Variants in BTRC observed in about 807,000 individuals in gnomAD.
BTRC encodes F-box/WD repeat-containing protein 1A.
Under a neutral mutation model 85.5 loss-of-function variants are expected in BTRC, and 42 were observed. That is an observed-to-expected ratio of 0.49 (90% CI 0.38 to 0.64). The LOEUF (loss-of-function observed/expected upper bound fraction) is 0.64, where lower values mean the gene tolerates loss of function less well. Among genes scored for constraint, BTRC ranks in the 30% least tolerant of loss-of-function variants. The pLI, the probability that BTRC is intolerant of heterozygous loss-of-function variation, is 0.00. For missense variants in BTRC, 594 were observed against 743.5 expected (o/e 0.80, Z 2.34); for synonymous variants, 255 against 263.3 (o/e 0.97, Z 0.30).
chr10:101,464,182 T>C (rs1945305531), intron 3 of BTRC, among the ~76,000 whole-genome samples: 1 of 152,208 alleles, frequency 6.6e-6, no homozygotes, highest in Admixed American at 6.5e-5. Context: ...AAACGAATTT[T>C]CTCTCTGCAA....
chr10:101,524,672 C>T (rs1234154589), intron 5 of BTRC, among the ~76,000 whole-genome samples: 1 of 152,078 alleles, frequency 6.6e-6, no homozygotes, highest in East Asian at 1.9e-4. Flanking sequence ...CACAGGACTG[C>T]ATTTTGGAAA....
intron 1 of BTRC, among the ~76,000 whole-genome samples, chr10:101,362,643 C>CCTCAA (rs1270712966): frequency 6.6e-6 from 1 of 152,048 alleles, no homozygotes; most frequent in Admixed American, 6.5e-5. Context: ...GATCCGCCCG[C>CCTCAA]CTCTGCCTCC....
chr10:101,511,726 A>G (rs1374519140), intron 4 of BTRC, among the ~76,000 whole-genome samples: 1 of 152,114 alleles, frequency 6.6e-6, no homozygotes. Context: ...TTCGCTATGT[A>G]TGCCTGGCCA....
chr10:101,373,211 A>T (rs899692644), intron 1 of BTRC, among the ~76,000 whole-genome samples: 16 of 152,200 alleles, frequency 1.1e-4, no homozygotes, highest in Admixed American at 6.5e-5. Context: ...AAGATCTGTA[A>T]TTTACATTTG....
chr10:101,398,846 T>C (rs1943427936), intron 1 of BTRC, among the ~76,000 whole-genome samples: 1 of 152,238 alleles, frequency 6.6e-6, no homozygotes, highest in African/African-American at 2.4e-5. Flanking sequence ...TGATTTTGCC[T>C]GAGCATAAGT....
At chr10:101,438,376 G>C (rs1356860145) in intron 2 of BTRC, among the ~76,000 whole-genome samples, 1 of 122,640 alleles carries the variant, frequency 8.2e-6, no homozygotes, top group Non-Finnish European at 1.6e-5. Context: ...AGTGAGCCGA[G>C]ATCGCGCCAC....
chr10:101,450,106 T>C (rs916775194), intron 2 of BTRC, among the ~76,000 whole-genome samples: 31 of 151,976 alleles, frequency 2.0e-4, no homozygotes, highest in African/African-American at 7.2e-4. Flanking sequence ...TTAAATGGAC[T>C]ATTACTTCTG....
chr10:101,537,776 T>C (rs1376718450), intron 12 of BTRC, among the ~76,000 whole-genome samples: 1 of 152,244 alleles, frequency 6.6e-6, no homozygotes, highest in Non-Finnish European at 1.5e-5. Context: ...TGGTGACATG[T>C]TCCAGCTTGG....
intron 4 of BTRC, among the ~76,000 whole-genome samples, chr10:101,498,486 C>G (rs1055818959): frequency 1.3e-5 from 2 of 152,068 alleles, no homozygotes; most frequent in Non-Finnish European, 2.9e-5. Flanking sequence ...TAAATCACAT[C>G]ATAACTCTTT....
rs1222117758 is a variant in BTRC at position 101,430,603 on chromosome 10, G to C, written c.156+151G>C. The C allele has an allele frequency of 4.8e-6, 3 of 620,914 alleles. No individual in the cohort carries two copies. In the African/African-American group the frequency reaches 5.6e-5, roughly 12 times the overall value. The allele number at this position is 620,914 out of a possible 1,614,324, so 38.5% of individuals were successfully genotyped here. A position where few individuals can be genotyped will look rare whatever the true frequency, so the allele number is the denominator to read the frequency against. ...TCACATCACTCAGTACTCCTTTAAT[G>C]ATTAGTTTATAATGTAGACCCAGAC... On this transcript the variant is annotated intron_variant, in intron 2 of 14. Coordinates refer to ENST00000370187, the MANE Select transcript of BTRC (RefSeq NM_033637.4).
Position 101,532,400 on chromosome 10 carries a change from A to G in BTRC, c.946A>G (p.Ile316Val). ...VYCLQYDDQK[I>V]VSGLRDNTIK... Reference sequence around the variant, plus strand: ...CTGTTTACAGTATGATGATCAGAAAATAGTAAGCGGCCTTCGAGACAACAC... The same window carrying G: ...CTGTTTACAGTATGATGATCAGAAAGTAGTAAGCGGCCTTCGAGACAACAC... Residue 316 changes from isoleucine to valine, a missense_variant, in exon 8 of 15, where the codon ATA becomes GTA. Transcript: ENST00000370187. 6.2e-7 allele frequency: 1 copy of G among 1,612,962 alleles called. No homozygotes were observed. The highest frequency in any genetic ancestry group is 8.5e-7 in the Non-Finnish European group (1 of 1,179,766).
intron 1 of BTRC, among the ~76,000 whole-genome samples, chr10:101,373,010 C>T (rs1942683576): frequency 6.6e-6 from 1 of 151,954 alleles, no homozygotes; most frequent in East Asian, 1.9e-4. Context: ...TGTGTCTTTC[C>T]ATTTATTTAG....
At chr10:101,398,902 G>A (rs367978482) in intron 1 of BTRC, among the ~76,000 whole-genome samples, 12 of 152,156 alleles carry the variant, frequency 7.9e-5, no homozygotes, top group African/African-American at 2.9e-4. Flanking sequence ...GCCTGGTTTT[G>A]CCTGGCTAAC....
At chr10:101,392,617 A>C (rs1378848235) in intron 1 of BTRC, among the ~76,000 whole-genome samples, 1 of 152,062 alleles carries the variant, frequency 6.6e-6, no homozygotes, top group Non-Finnish European at 1.5e-5. Flanking sequence ...CTCTTACCTC[A>C]GCCTCCCAAA....
In BTRC at chr10:101,374,178, A is replaced by C. The variant is rs555608219; in HGVS notation, c.48+19950A>C. Among the ~76,000 whole-genome samples the C allele has an allele frequency of 8.4e-4, 128 of 152,178 alleles. 1 individual carries two copies. Among genetic ancestry groups the C allele is most frequent in the African/African-American group, 2.9e-3 (122 of 41,522 alleles). ...GGTTGAACTAGTTTACAGTCCCACC[A>C]ACAGTGTAAAAGTGTTCCTATTTCT... On this transcript the variant is annotated intron_variant, in intron 1 of 14. Transcript: ENST00000370187.
chr10:101,441,185 G>GC (rs2134111220), intron 2 of BTRC, among the ~76,000 whole-genome samples: 1 of 152,316 alleles, frequency 6.6e-6, no homozygotes, highest in East Asian at 1.9e-4. Context: ...TAAGAGGAAT[G>GC]CAAGTGTTTA....
intron 13 of BTRC, among the ~76,000 whole-genome samples, chr10:101,543,737 A>G (rs2062514233): frequency 6.6e-6 from 1 of 152,086 alleles, no homozygotes; most frequent in Non-Finnish European, 1.5e-5. Flanking sequence ...GCAGTCTACT[A>G]TCAGATGATA....
chr10:101,469,878 G>A (rs1348080980), intron 3 of BTRC, among the ~76,000 whole-genome samples: 1 of 152,144 alleles, frequency 6.6e-6, no homozygotes, highest in Non-Finnish European at 1.5e-5. Context: ...CATTCACTTT[G>A]CATAATGTTT....
At chr10:101,547,104 G>T (rs1208855361) in intron 13 of BTRC, among the ~76,000 whole-genome samples, 14 of 152,102 alleles carry the variant, frequency 9.2e-5, no homozygotes, top group Admixed American at 9.2e-4. Flanking sequence ...AGTTCAATAG[G>T]TTAGGCAGAT....
Sources: allele counts gnomAD v4.1 joint callset (sites outside exome capture counted in the v4.1 genomes callset), GRCh38; gene constraint gnomAD v4.1.1; transcripts MANE v1.5; gene names NCBI Gene and HGNC (gene_info 2026-07-23, HGNC 2026-07-21).